The following ACR variants were observed in gnomAD, a reference collection of about 807,000 sequenced individuals.
The protein encoded by ACR is acrosin light and heavy chain prepropeptide.
A neutral mutation model predicts 26.0 loss-of-function variants in ACR; 17 were observed. The observed-to-expected ratio is 0.65, with a 90% CI of 0.45 to 0.98. The LOEUF is 0.98. ACR is among the 50% of genes least tolerant of loss of function. The pLI is 0.00. For synonymous variants in ACR, 199 were observed against 207.7 expected (o/e 0.96, Z 0.36); for missense variants, 435 against 519.3 (o/e 0.84, Z 1.58).
intron 3 of ACR, 126 bp from the exon 4 acceptor site, chr22:50,743,935 G>A (rs1424464086): frequency 5.1e-6 from 4 of 779,778 alleles, no homozygotes; most frequent in African/African-American, 1.7e-5. Flanking sequence ...GAGGGGTCGG[G>A]GCATCGACTG....
At chr22:50,744,540 C>T (rs2146857105) in intron 4 of ACR, 113 bp from the exon 5 acceptor site, 1 of 1,428,018 alleles carries the variant, frequency 7.0e-7, no homozygotes, top group Non-Finnish European at 9.3e-7. Context: ...CTTGTGTTTA[C>T]AGCAGCAGGA....
intron 3 of ACR, 90 bp from the exon 4 acceptor site, chr22:50,743,971 A>G (rs56238942): frequency 0.075 from 70,269 of 938,520 alleles, 3,495 homozygotes; most frequent in African/African-American, 0.2. Flanking sequence ...TAACTGGAGC[A>G]TCACAGAGGA....
rs2146853233 is a variant in ACR at position 50,739,857 on chromosome 22, AC to A, written c.449del (p.Pro150LeufsTer36). ...AAATGACATTGCCCTCGTGGAGATC[AC>A]CCCTCCCATTTCGTGTGGGCGCTTC... ...EGNDIALVEI[T>X]PPISCGRFIG... On this transcript the variant is annotated frameshift_variant, in exon 3 of 5. Coordinates refer to ENST00000216139, the MANE Select transcript of ACR (RefSeq NM_001097.3). LOFTEE classifies it high-confidence loss of function. The surrounding 1 kb of genome is among the most constrained non-coding windows in gnomAD (Gnocchi z 5.5). 1.2e-6 allele frequency: 2 copies of A among 1,611,606 alleles called. No homozygotes were observed. The highest frequency in any genetic ancestry group is 1.7e-6 in the Non-Finnish European group (2 of 1,178,620).
chr22:50,739,486 G>A lies in ACR; in HGVS notation c.281+12G>A, dbSNP rs1487155825. ...TTCGTCGGCAAAAAGTACGTGTAGG[G>A]ATGCACTGAGGGAGGTCTTCAGAAC... On this transcript the variant is annotated intron_variant, in intron 2 of 4. Transcript: ENST00000216139. The surrounding 1 kb of genome is among the most constrained non-coding windows in gnomAD (Gnocchi z 5.5). 1.2e-6 allele frequency: 2 copies of A among 1,614,000 alleles called. No homozygotes were observed. Among genetic ancestry groups the A allele is most frequent in the East Asian group, 2.2e-5 (1 of 44,876 alleles).
rs766145603 is a variant in ACR at position 50,744,118 on chromosome 22, T to C, written c.623T>C (p.Leu208Ser). The C allele has an allele frequency of 2.0e-5, 33 of 1,613,558 alleles. 1 individual carries two copies. The South Asian group carries it at 3.6e-4, about 18-fold the overall frequency. Residue 208 changes from leucine to serine, a missense_variant, in exon 4 of 5, where the codon TTG becomes TCG. Leu to Ser is a moderately radical substitution (Grantham distance 145). Around this residue, in one of 3 missense-constraint regions of ACR, gnomAD observed 314 missense variants for 372.0 expected, o/e 0.84. Transcript: ENST00000216139. ...EARVDLIDLD[L>S]CNSTQWYNGR... ...CGTGTGGATCTCATCGACCTGGACT[T>C]GTGTAACTCGACCCAGTGGTACAAT...
intron 3 of ACR, among the ~76,000 whole-genome samples, chr22:50,741,696 C>A (rs2146854578): frequency 6.6e-6 from 1 of 151,784 alleles, no homozygotes; most frequent in East Asian, 1.9e-4. Context: ...CAGGCTCCAA[C>A]TCCTGTGATC....
In ACR at chr22:50,739,971, G is replaced by C; in HGVS notation, c.559G>C (p.Glu187Gln). Reference sequence around the variant, plus strand: ...GGTGGCCGGCTGGGGATATATAGAAGAGAAAGGTGAGTATGGGAGCGCCTC... The same window carrying C: ...GGTGGCCGGCTGGGGATATATAGAACAGAAAGGTGAGTATGGGAGCGCCTC... ...CWVAGWGYIE[E>Q]KAPRPSSILM... is the part of the protein sequence containing the mutation. Residue 187 changes from glutamate to glutamine, a missense_variant, in exon 3 of 5, where the codon GAG becomes CAG. Glu to Gln is a conservative substitution (Grantham distance 29). Coordinates refer to ENST00000216139, the MANE Select transcript of ACR (RefSeq NM_001097.3). This position sits in a 1 kb window ranked among gnomAD's most constrained non-coding sequence, Gnocchi z 5.5. 1 of 1,613,512 alleles carries C rather than the reference G, an allele frequency of 6.2e-7. No homozygotes were observed. Among genetic ancestry groups the C allele is most frequent in the Non-Finnish European group, 8.5e-7 (1 of 1,180,016 alleles).
Position 50,739,738 on chromosome 22 carries a change from C to T in ACR, c.326C>T (p.Thr109Ile). 1 of 1,556,358 alleles carries T rather than the reference C, an allele frequency of 6.4e-7. No individual in the cohort carries two copies. The highest frequency in any genetic ancestry group is 8.7e-7 in the Non-Finnish European group (1 of 1,154,424). Residue 109 changes from threonine to isoleucine, a missense_variant, in exon 3 of 5, where the codon ACA becomes ATA. By Grantham distance (89) the Thr-to-Ile change is moderately conservative. Coordinates refer to ENST00000216139, the MANE Select transcript of ACR (RefSeq NM_001097.3). This position sits in a 1 kb window ranked among gnomAD's most constrained non-coding sequence, Gnocchi z 5.5. Reference protein sequence around the residue: ...WRLVFGAKEITYGNNKPVKAP... With the variant: ...WRLVFGAKEIIYGNNKPVKAP... ...CTGGTTTTCGGAGCAAAGGAAATTA[C>T]ATATGGGAACAATAAACCAGTAAAG...
intron 3 of ACR, among the ~76,000 whole-genome samples, chr22:50,743,193 G>A (rs2083433836): frequency 6.7e-6 from 1 of 149,494 alleles, no homozygotes; most frequent in Non-Finnish European, 1.5e-5. Flanking sequence ...CCGCCACCAT[G>A]CCTGGCTAAT....
In ACR at chr22:50,741,556, T is replaced by C. The variant is rs190654794; in HGVS notation, c.565+1579T>C. ...TGTCCTAGCTATATCTTGGATGCCA[T>C]GCAAAACCTTTTTTGTTCTGGAATT... On this transcript the variant is annotated intron_variant, in intron 3 of 4. Transcript: ENST00000216139. Among the ~76,000 whole-genome samples the C allele has an allele frequency of 1.6e-3, 243 of 152,100 alleles. 5 individuals carry two copies. Among genetic ancestry groups the C allele is most frequent in the Admixed American group, 0.014 (210 of 15,268 alleles).
chr22:50,743,037 T>G (rs1213440063), intron 3 of ACR, among the ~76,000 whole-genome samples: 2 of 151,912 alleles, frequency 1.3e-5, no homozygotes, highest in Non-Finnish European at 2.9e-5. Flanking sequence ...TCCAGCGCTT[T>G]CTTTCTTTTT....
At chr22:50,743,116 A>G (rs1241536816) in intron 3 of ACR, among the ~76,000 whole-genome samples, 8 of 151,452 alleles carry the variant, frequency 5.3e-5, no homozygotes, top group African/African-American at 1.7e-4. Context: ...GCTCACTGCA[A>G]GCTCCGCCTC....
intron 3 of ACR, among the ~76,000 whole-genome samples, chr22:50,743,067 GCT>G (rs1443927109): frequency 2.6e-5 from 4 of 151,898 alleles, no homozygotes; most frequent in Non-Finnish European, 4.4e-5. Context: ...ACGGAGTCTC[GCT>G]CTGTGGCCCG....
intron 4 of ACR, 135 bp downstream of exon 4, chr22:50,744,341 C>T: frequency 1.1e-5 from 8 of 727,266 alleles, no homozygotes; most frequent in Non-Finnish European, 1.8e-5. Context: ...GTGACTGCTT[C>T]CCCGGTCCCT....
At chr22:50,740,013 T>C (rs1284276244) in intron 3 of ACR, 36 bp downstream of exon 3, 2 of 1,611,390 alleles carry the variant, frequency 1.2e-6, no homozygotes, top group Non-Finnish European at 1.7e-6. Context: ...GGGACGCTGC[T>C]GGCCATTCTC....
At chr22:50,743,209 G>A (rs1039894095) in intron 3 of ACR, among the ~76,000 whole-genome samples, 1 of 151,410 alleles carries the variant, frequency 6.6e-6, no homozygotes, top group Admixed American at 6.6e-5. Context: ...CTAATTTTTT[G>A]TATTTTTAGT....
At position 50,744,838 on chromosome 22, in the gene ACR, G is replaced by A. The variant is rs200076103; in HGVS notation, c.897G>A (p.Ser299=). ...CTAACGCTTTGCGTATGATTCAATC[G>A]GCCACCCCTCCACCTCCCACCACTC... ...IGSNALRMIQ[S]ATPPPPTTRP... Residue 299 remains serine (S), a synonymous_variant, in exon 5 of 5, where the codon TCG becomes TCA. Transcript: ENST00000216139. The A allele has an allele frequency of 7.6e-5, 122 of 1,598,950 alleles. No individual in the cohort carries two copies. In the Middle Eastern group the frequency reaches 1.3e-3, roughly 17 times the overall value.
chr22:50,738,659 G>C (rs1039398704), intron 1 of ACR, among the ~76,000 whole-genome samples: 1 of 139,702 alleles, frequency 7.2e-6, no homozygotes, highest in Non-Finnish European at 1.5e-5. Context: ...GCTTCACACC[G>C]CTTGCACCCC....
intron 1 of ACR, among the ~76,000 whole-genome samples, chr22:50,738,669 C>T (rs1326244829): frequency 6.6e-6 from 1 of 151,796 alleles, no homozygotes; most frequent in African/African-American, 2.4e-5. Context: ...GCTTGCACCC[C>T]TACCCCCCAG....
Sources: gnomAD v4.1 joint callset for allele counts (sites outside exome capture counted in the v4.1 genomes callset) on GRCh38, gnomAD v4.1.1 for gene constraint, gnomAD v4.1.1 regional missense constraint, Gnocchi (gnomAD v3.1) non-coding constraint, MANE v1.5 for transcripts, NCBI Gene and HGNC (gene_info 2026-07-23, HGNC 2026-07-21) for gene names.